The following PDGFC variants were observed in gnomAD, a reference collection of about 807,000 sequenced individuals.
The protein encoded by PDGFC is platelet-derived growth factor C.
In PDGFC, 12 loss-of-function variants were observed where a neutral mutation model predicts 35.5. That is an observed-to-expected ratio of 0.34 (90% CI 0.22 to 0.55). The LOEUF is 0.55. PDGFC is among the 20% of genes least tolerant of loss of function. PDGFC has a pLI of 0.91. For missense variants in PDGFC, 322 were observed against 412.4 expected (o/e 0.78, Z 1.90); for synonymous variants, 159 against 148.8 (o/e 1.07, Z -0.50).
At chr4:156,886,088 A>G (rs1730369137) in intron 1 of PDGFC, among the ~76,000 whole-genome samples, 1 of 152,204 alleles carries the variant, frequency 6.6e-6, no homozygotes, top group African/African-American at 2.4e-5. Flanking sequence ...TAAAAAGTCA[A>G]AATATAAAAG....
At chr4:156,772,057 G>A (rs1730706824) in intron 4 of PDGFC, among the ~76,000 whole-genome samples, 1 of 152,068 alleles carries the variant, frequency 6.6e-6, no homozygotes, top group African/African-American at 2.4e-5. Flanking sequence ...ACACCCATAT[G>A]GGCAAAAGTG....
intron 1 of PDGFC, among the ~76,000 whole-genome samples, chr4:156,940,153 G>C (rs1266019039): frequency 6.6e-6 from 1 of 152,036 alleles, no homozygotes; most frequent in Non-Finnish European, 1.5e-5. Flanking sequence ...GAACCATATT[G>C]AAATCTACCT....
chr4:156,787,128 C>T (rs1731150021), intron 3 of PDGFC, among the ~76,000 whole-genome samples: 1 of 151,988 alleles, frequency 6.6e-6, no homozygotes, highest in Non-Finnish European at 1.5e-5. Context: ...GGAAGAGGTG[C>T]CATGGTTATA....
chr4:156,772,346 C>A (rs1463238949), intron 4 of PDGFC, among the ~76,000 whole-genome samples: 1 of 151,906 alleles, frequency 6.6e-6, no homozygotes, highest in Non-Finnish European at 1.5e-5. Flanking sequence ...CTTTTGAGTC[C>A]CAAAATCAAC....
intron 3 of PDGFC, among the ~76,000 whole-genome samples, chr4:156,776,811 G>T (rs1730841477): frequency 6.6e-6 from 1 of 152,160 alleles, no homozygotes; most frequent in African/African-American, 2.4e-5. Flanking sequence ...CTCACATGTA[G>T]GGAAGAGAGT....
At chr4:156,943,628 A>G (rs1731867880) in intron 1 of PDGFC, among the ~76,000 whole-genome samples, 2 of 151,936 alleles carry the variant, frequency 1.3e-5, no homozygotes, top group Non-Finnish European at 2.9e-5. Flanking sequence ...ACTCGACCCA[A>G]TTTGTTTTCA....
At chr4:156,769,070 A>T (rs1730620939) in intron 4 of PDGFC, among the ~76,000 whole-genome samples, 1 of 151,922 alleles carries the variant, frequency 6.6e-6, no homozygotes, top group South Asian at 2.1e-4. Flanking sequence ...ATACTTTCAG[A>T]TAACATATAT....
At chr4:156,803,229 A>C (rs746572600) in intron 3 of PDGFC, among the ~76,000 whole-genome samples, 2 of 152,136 alleles carry the variant, frequency 1.3e-5, no homozygotes, top group Non-Finnish European at 2.9e-5. Flanking sequence ...CAATCTGAGG[A>C]ACAGTTTCAG....
At chr4:156,897,860 G>A (rs1334820464) in intron 1 of PDGFC, among the ~76,000 whole-genome samples, 2 of 152,166 alleles carry the variant, frequency 1.3e-5, no homozygotes, top group Non-Finnish European at 1.5e-5. Context: ...ACTAATGATG[G>A]TAGTAGCTTT....
intron 3 of PDGFC, among the ~76,000 whole-genome samples, chr4:156,777,601 C>G (rs1730863120): frequency 6.6e-6 from 1 of 152,126 alleles, no homozygotes; most frequent in African/African-American, 2.4e-5. Flanking sequence ...TACTGACACC[C>G]TGATCTCAAT....
chr4:156,939,711 C>A (rs528959406), intron 1 of PDGFC, among the ~76,000 whole-genome samples: 1 of 152,142 alleles, frequency 6.6e-6, no homozygotes, highest in East Asian at 1.9e-4. Context: ...AATGAACACC[C>A]CCTTCTAAGA....
At chr4:156,847,123 C>T (rs1368702629) in intron 2 of PDGFC, among the ~76,000 whole-genome samples, 2 of 151,570 alleles carry the variant, frequency 1.3e-5, no homozygotes, top group Non-Finnish European at 3.0e-5. Context: ...TATGCATATA[C>T]CCTTTAGGAG....
intron 1 of PDGFC, among the ~76,000 whole-genome samples, chr4:156,871,319 C>A (rs1172743903): frequency 6.6e-6 from 1 of 151,706 alleles, no homozygotes; most frequent in Non-Finnish European, 1.5e-5. Context: ...ATTTTTCCCC[C>A]CCTGGCAAAG....
At chr4:156,851,873 G>A (rs7684763) in intron 1 of PDGFC, among the ~76,000 whole-genome samples, 30 of 143,340 alleles carry the variant, frequency 2.1e-4, no homozygotes, top group Non-Finnish European at 3.6e-4. Flanking sequence ...GGAGCTTGCA[G>A]TGAGGGGAGA....
At chr4:156,808,852 C>T (rs556402305) in intron 3 of PDGFC, among the ~76,000 whole-genome samples, 6 of 151,966 alleles carry the variant, frequency 3.9e-5, no homozygotes, top group East Asian at 1.9e-4. Flanking sequence ...AGACAAAGGA[C>T]GGCTGAAGAA....
chr4:156,831,765 A>G (rs1040533639), intron 2 of PDGFC, among the ~76,000 whole-genome samples: 2 of 152,090 alleles, frequency 1.3e-5, no homozygotes, highest in Non-Finnish European at 2.9e-5. Flanking sequence ...GAAAAAAGAA[A>G]AAAAAATGTA....
intron 1 of PDGFC, among the ~76,000 whole-genome samples, chr4:156,860,407 A>G (rs1268134532): frequency 6.6e-6 from 1 of 152,100 alleles, no homozygotes; most frequent in Admixed American, 6.6e-5. Flanking sequence ...ATGTTGGAAT[A>G]CCATTTCCTT....
chr4:156,793,325 AGAAAGG>A (rs1204064232), intron 3 of PDGFC, among the ~76,000 whole-genome samples: 1 of 151,836 alleles, frequency 6.6e-6, no homozygotes, highest in Admixed American at 6.6e-5. Context: ...ATCTTTTCCC[AGAAAGG>A]GACGTAAAAT....
At chr4:156,769,399 A>T (rs1321801840) in intron 4 of PDGFC, among the ~76,000 whole-genome samples, 1 of 151,930 alleles carries the variant, frequency 6.6e-6, no homozygotes, top group Non-Finnish European at 1.5e-5. Flanking sequence ...TTGATAATTT[A>T]AGTATTTTAA....
Sources: gnomAD v4.1 joint callset for allele counts (sites outside exome capture counted in the v4.1 genomes callset) on GRCh38, gnomAD v4.1.1 for gene constraint, MANE v1.5 for transcripts, NCBI Gene and HGNC (gene_info 2026-07-23, HGNC 2026-07-21) for gene names.